PDE4D: variants seen among roughly 807,000 people sequenced by gnomAD.
PDE4D encodes 3',5'-cyclic-AMP phosphodiesterase 4D.
A neutral mutation model predicts 87.4 loss-of-function variants in PDE4D; 24 were observed. The ratio of observed to expected loss-of-function variants is 0.27; its 90% CI spans 0.20 to 0.39. The LOEUF (loss-of-function observed/expected upper bound fraction) is 0.39, where lower values mean the gene tolerates loss of function less well. Ranked by LOEUF, PDE4D falls within the 10% of genes least tolerant of loss-of-function variation. The pLI, the probability that PDE4D is intolerant of heterozygous loss-of-function variation, is 1.00. For missense variants in PDE4D, 714 were observed against 1,041.0 expected, an observed-to-expected ratio of 0.69 and a Z score of 4.32; for synonymous variants, 384 against 383.2, an observed-to-expected ratio of 1.00 and a Z score of -0.02.
intron 10 of PDE4D, among the ~76,000 whole-genome samples, chr5:58,988,881 G>C (rs1173029582): frequency 2.6e-5 from 4 of 151,908 alleles, no homozygotes; most frequent in African/African-American, 9.7e-5. Context: ...GAAAATAATA[G>C]TTTATTTTCT....
intron 1 of PDE4D, among the ~76,000 whole-genome samples, chr5:59,472,596 C>T (rs968660533): frequency 2.6e-5 from 4 of 152,108 alleles, no homozygotes; most frequent in South Asian, 2.1e-4. Flanking sequence ...ATTTCCCCTT[C>T]AAAATAGGAA....
At chr5:60,062,958 C>T (rs920347932) in intron 2 of PDE4D, among the ~76,000 whole-genome samples, 62 of 152,008 alleles carry the variant, frequency 4.1e-4, no homozygotes, top group African/African-American at 1.4e-3. Flanking sequence ...AGACAAATAG[C>T]TAATGCATGC....
chr5:60,445,997 A>G (rs1052786456), intron 1 of PDE4D, among the ~76,000 whole-genome samples: 1 of 152,174 alleles, frequency 6.6e-6, no homozygotes, highest in African/African-American at 2.4e-5. Context: ...TAAGCATCTC[A>G]AAAGAAAAAT....
chr5:60,055,849 G>C (rs1770721167), intron 2 of PDE4D, among the ~76,000 whole-genome samples: 2 of 151,902 alleles, frequency 1.3e-5, no homozygotes, highest in African/African-American at 4.8e-5. Context: ...TGGAAAGAAA[G>C]TAGTAACACA....
At chr5:60,082,949 G>T (rs1311558333) in intron 2 of PDE4D, among the ~76,000 whole-genome samples, 1 of 152,110 alleles carries the variant, frequency 6.6e-6, no homozygotes, top group African/African-American at 2.4e-5. Flanking sequence ...TTTCTTCTCA[G>T]AGAAGTTTGC....
intron 1 of PDE4D, among the ~76,000 whole-genome samples, chr5:59,245,769 T>C (rs528705809): frequency 2.6e-5 from 4 of 152,146 alleles, no homozygotes; most frequent in African/African-American, 9.6e-5. Context: ...TCATCTTAAA[T>C]GTAGACAATA....
At chr5:59,296,625 T>A (rs1769152334) in intron 1 of PDE4D, among the ~76,000 whole-genome samples, 1 of 152,150 alleles carries the variant, frequency 6.6e-6, no homozygotes, top group Non-Finnish European at 1.5e-5. Flanking sequence ...AAATAAGGAA[T>A]AATTACAACT....
chr5:59,853,861 A>G lies in PDE4D; in HGVS notation c.455+39307T>C, dbSNP rs2152721484. Among the ~76,000 whole-genome samples, 2 of 152,152 alleles carry G rather than the reference A, an allele frequency of 1.3e-5. 1 individual carries two copies. The highest frequency in any genetic ancestry group is 4.8e-5 in the African/African-American group (2 of 41,566). On this transcript the variant is annotated intron_variant, in intron 1 of 14. Transcript: ENST00000340635. ...TTTTTGGTTTCAATTAAAAAATTCA[A>G]TAAAAATATTGTTTACAACATGATT...
intron 1 of PDE4D, among the ~76,000 whole-genome samples, chr5:59,489,422 G>A (rs1473891556): frequency 1.3e-5 from 2 of 152,066 alleles, no homozygotes; most frequent in African/African-American, 4.8e-5. Context: ...TGATATATCA[G>A]AATTATTCCC....
chr5:60,326,808 A>G (rs922413391), intron 1 of PDE4D, among the ~76,000 whole-genome samples: 7 of 152,130 alleles, frequency 4.6e-5, no homozygotes, highest in Non-Finnish European at 1.5e-5. Context: ...CTATCTTTAG[A>G]ACTGCAGGCT....
intron 1 of PDE4D, among the ~76,000 whole-genome samples, chr5:60,403,309 TG>T (rs1269503314): frequency 1.3e-5 from 2 of 152,180 alleles, no homozygotes; most frequent in Admixed American, 1.3e-4. Context: ...CCAGAGCCAG[TG>T]GGATGATGTT....
chr5:60,027,025 G>A (rs370837427), intron 2 of PDE4D, among the ~76,000 whole-genome samples: 22 of 152,192 alleles, frequency 1.4e-4, no homozygotes, highest in African/African-American at 5.3e-4. Flanking sequence ...CTTCAGAGAA[G>A]TTTAGTCATA....
intron 2 of PDE4D, among the ~76,000 whole-genome samples, chr5:60,104,584 C>A (rs1284972479): frequency 6.6e-6 from 1 of 152,198 alleles, no homozygotes; most frequent in Non-Finnish European, 1.5e-5. Context: ...ACCCCTGACC[C>A]CCGAGCAGCC....
At chr5:59,452,153 G>A (rs937462010) in intron 1 of PDE4D, among the ~76,000 whole-genome samples, 1 of 152,140 alleles carries the variant, frequency 6.6e-6, no homozygotes, top group African/African-American at 2.4e-5. Context: ...AGGGAAGACA[G>A]AAGATTGGAC....
chr5:59,670,488 T>C (rs993925702), intron 1 of PDE4D, among the ~76,000 whole-genome samples: 4 of 152,200 alleles, frequency 2.6e-5, no homozygotes, highest in Non-Finnish European at 4.4e-5. Context: ...CATTTTAAAA[T>C]ATTGTATACA....
chr5:60,302,917 C>T (rs557174484), intron 1 of PDE4D, among the ~76,000 whole-genome samples: 1 of 152,176 alleles, frequency 6.6e-6, no homozygotes, highest in Admixed American at 6.5e-5. Context: ...CCAACCTCCG[C>T]CTCTCAGGTT....
intron 1 of PDE4D, among the ~76,000 whole-genome samples, chr5:59,503,733 T>C (rs1434816873): frequency 6.6e-6 from 1 of 152,186 alleles, no homozygotes; most frequent in Non-Finnish European, 1.5e-5. Flanking sequence ...GCCCCAGGTA[T>C]GGTGAGTAAG....
At chr5:59,240,807 C>T (rs925058426) in intron 1 of PDE4D, among the ~76,000 whole-genome samples, 1 of 42,358 alleles carries the variant, frequency 2.4e-5, no homozygotes, top group African/African-American at 1.7e-4. Flanking sequence ...CACACACACA[C>T]ATCCCTTTTG....
At chr5:59,142,119 T>A (rs1367317349) in intron 5 of PDE4D, among the ~76,000 whole-genome samples, 1 of 152,144 alleles carries the variant, frequency 6.6e-6, no homozygotes, top group African/African-American at 2.4e-5. Flanking sequence ...GGGAAAAAGA[T>A]AAGAGGTAAG....
Sources: allele counts gnomAD v4.1 joint callset (sites outside exome capture counted in the v4.1 genomes callset), GRCh38; gene constraint gnomAD v4.1.1; transcripts MANE v1.5; gene names NCBI Gene and HGNC (gene_info 2026-07-23, HGNC 2026-07-21).